PGAP4: variants seen among roughly 807,000 people sequenced by gnomAD.
PGAP4 encodes post-GPI attachment to proteins GalNAc transferase 4, also known as GPI-N-acetylgalactosamine transferase PGAP4.
PGAP4 carries 12 observed loss-of-function variants against 28.2 expected under a neutral mutation model. That is an observed-to-expected ratio of 0.42 (90% confidence interval 0.27 to 0.69). The LOEUF (loss-of-function observed/expected upper bound fraction) is 0.69. PGAP4 is among the 30% of genes least tolerant of loss of function. The pLI is 0.22. For missense variants in PGAP4, 425 were observed against 513.5 expected, an observed-to-expected ratio of 0.83 and a Z score of 1.67; for synonymous variants, 205 against 211.8, an observed-to-expected ratio of 0.97 and a Z score of 0.28.
chr9:101,498,035 C>T (rs978643552), intron 2 of PGAP4, among the ~76,000 whole-genome samples: 1 of 151,686 alleles, frequency 6.6e-6, no homozygotes, highest in Non-Finnish European at 1.5e-5. Flanking sequence ...ATGGCTAAAC[C>T]TTATTTGCCC....
At chr9:101,531,743 G>A (rs1827091988) in intron 1 of PGAP4, among the ~76,000 whole-genome samples, 1 of 152,138 alleles carries the variant, frequency 6.6e-6, no homozygotes, top group Non-Finnish European at 1.5e-5. Flanking sequence ...ATGGATACAT[G>A]AAAAAAATCC....
intron 2 of PGAP4, among the ~76,000 whole-genome samples, chr9:101,519,143 C>T (rs1259912204): frequency 6.7e-6 from 1 of 148,448 alleles, no homozygotes; most frequent in Non-Finnish European, 1.5e-5. Context: ...TGTCCTTGGC[C>T]CACTTTTGTT....
At chr9:101,491,946 A>C (rs539645832), upstream of PGAP4, among the ~76,000 whole-genome samples, 4 of 150,560 alleles carry the variant, frequency 2.7e-5, no homozygotes, top group African/African-American at 9.8e-5. Flanking sequence ...GCATTCTGCA[A>C]TTGTTGGGGG....
intron 2 of PGAP4, among the ~76,000 whole-genome samples, chr9:101,512,915 C>T (rs1826909651): frequency 6.6e-6 from 1 of 152,080 alleles, no homozygotes; most frequent in South Asian, 2.1e-4. Context: ...TAAGGTTTCA[C>T]AAATTGACTC....
intron 2 of PGAP4, among the ~76,000 whole-genome samples, chr9:101,519,779 T>TCATGAAA (rs1826972954): frequency 6.6e-6 from 1 of 152,074 alleles, no homozygotes; most frequent in African/African-American, 2.4e-5. Flanking sequence ...GGGTTCTTGG[T>TCATGAAA]CATGAAATCC....
In PGAP4 at chr9:101,476,442, T is replaced by A; in HGVS notation, c.651A>T (p.Glu217Asp). Residue 217 changes from glutamate (E) to aspartate (D), a missense_variant, in exon 2 of 2, where the codon GAA becomes GAT. Physicochemically the swap from Glu to Asp is conservative, Grantham distance 45. Coordinates refer to ENST00000374848, the MANE Select transcript of PGAP4 (RefSeq NM_032342.3). The surrounding 1 kb of genome is among the most constrained non-coding windows in gnomAD (Gnocchi z 7.0). The stretch of plus-strand genomic sequence containing the variant: ...GCTCCAAGACTGGGAAGATCTGCTC[T>A]TCTGGTACAGCATCGTCTTCTACCA... ...VLMVEDDAVP[E>D]EQIFPVLEHL... 6.2e-7 allele frequency: 1 copy of A among 1,614,130 alleles called. No individual in the cohort carries two copies. The highest frequency in any genetic ancestry group is 1.3e-5 in the African/African-American group (1 of 75,028).
chr9:101,522,690 G>T (rs1826999163), intron 2 of PGAP4, among the ~76,000 whole-genome samples: 1 of 152,170 alleles, frequency 6.6e-6, no homozygotes, highest in Non-Finnish European at 1.5e-5. Context: ...TATCTTTTAA[G>T]TGGAGCATTA....
chr9:101,487,322 A>C (rs1463192523), upstream of PGAP4: 1 of 152,252 alleles, frequency 6.6e-6, no homozygotes, highest in Non-Finnish European at 1.5e-5. Context: ...ATTATATTTC[A>C]TCAGGTGTGT....
chr9:101,514,296 G>A lies in PGAP4; in HGVS notation c.-165+17052C>T, dbSNP rs191076135. Among the ~76,000 whole-genome samples, 7 of 152,142 alleles carry A rather than the reference G, an allele frequency of 4.6e-5. No individual in the cohort carries two copies. The East Asian group carries it at 7.7e-4, about 17-fold the overall frequency. ...TTCCTTTCGTGTCTCTCATGTTTTT[G>A]TCTAGCTCTTGGCAGCAACTCCATA... On this transcript the variant is annotated intron_variant, in intron 2 of 3. Transcript: ENST00000374851.
intron 2 of PGAP4, among the ~76,000 whole-genome samples, chr9:101,499,984 C>T (rs896258293): frequency 2.0e-5 from 3 of 151,746 alleles, no homozygotes; most frequent in Non-Finnish European, 4.4e-5. Context: ...AATATATTAT[C>T]TAATATACAG....
chr9:101,482,359 TCGCTTGAAC>T (rs1341232074), intron 1 of PGAP4, among the ~76,000 whole-genome samples: 2 of 152,114 alleles, frequency 1.3e-5, no homozygotes, highest in African/African-American at 4.8e-5. Context: ...GGCAGGAGAA[TCGCTTGAAC>T]CAGGTAGTCG....
intron 2 of PGAP4, among the ~76,000 whole-genome samples, chr9:101,515,029 T>C (rs1212264708): frequency 6.6e-6 from 1 of 152,220 alleles, no homozygotes; most frequent in Admixed American, 6.5e-5. Context: ...TCAATCTTTG[T>C]TGAGTGCTAT....
intron 2 of PGAP4, among the ~76,000 whole-genome samples, chr9:101,502,697 T>C (rs941049465): frequency 3.3e-5 from 5 of 152,038 alleles, no homozygotes; most frequent in Admixed American, 6.6e-5. Context: ...GGGATGTCCC[T>C]TGCTCTGGTC....
At chr9:101,509,563 G>A (rs534868676) in intron 2 of PGAP4, among the ~76,000 whole-genome samples, 36 of 152,260 alleles carry the variant, frequency 2.4e-4, no homozygotes, top group African/African-American at 8.4e-4. Context: ...TCTCACTTCT[G>A]TATATAAGAG....
intron 2 of PGAP4, among the ~76,000 whole-genome samples, chr9:101,498,822 A>T (rs1418311178): frequency 6.6e-6 from 1 of 152,018 alleles, no homozygotes; most frequent in African/African-American, 2.4e-5. Flanking sequence ...GGTGTTTTAG[A>T]TGGTGGTGAG....
At position 101,508,126 on chromosome 9, in the gene PGAP4, G is replaced by GT. The variant is rs199835888; in HGVS notation, c.-164-18927dup. On this transcript the variant is annotated intron_variant, in intron 2 of 3. Coordinates refer to the PGAP4 transcript ENST00000374851. ...TTCCTTTTCAAAATCCTTTTTGAGT[G>GT]TTTTTTTTTTTTTTTTTTGGATGGA... Among the ~76,000 whole-genome samples, 746 of 127,700 alleles carry GT rather than the reference G, an allele frequency of 5.8e-3. 7 individuals carry two copies. The highest frequency in any genetic ancestry group is 0.013 in the South Asian group (52 of 4,016). 83.8% of individuals were successfully genotyped at this position (127,700 alleles called of 152,430 possible).
upstream of PGAP4, among the ~76,000 whole-genome samples, chr9:101,491,704 T>C (rs963660431): frequency 1.3e-5 from 2 of 149,782 alleles, no homozygotes; most frequent in African/African-American, 4.9e-5. Context: ...ATTTCTAATT[T>C]TATTCTTTTA....
upstream of PGAP4, among the ~76,000 whole-genome samples, chr9:101,488,497 A>G (rs1305900171): frequency 6.6e-6 from 1 of 152,206 alleles, no homozygotes; most frequent in African/African-American, 2.4e-5. Flanking sequence ...TATTGGGGAC[A>G]GTGATATTTC....
chr9:101,527,769 C>A (rs1827048135), intron 2 of PGAP4, among the ~76,000 whole-genome samples: 1 of 152,106 alleles, frequency 6.6e-6, no homozygotes, highest in Non-Finnish European at 1.5e-5. Context: ...GGCTACAGAG[C>A]CAAATAAGCT....
Sources: allele counts gnomAD v4.1 joint callset (sites outside exome capture counted in the v4.1 genomes callset), GRCh38; gene constraint gnomAD v4.1.1; non-coding constraint Gnocchi (gnomAD v3.1); transcripts MANE v1.5; gene names NCBI Gene and HGNC (gene_info 2026-07-23, HGNC 2026-07-21).